Variants in GTF3C3 observed in about 807,000 individuals in gnomAD.
GTF3C3 encodes general transcription factor IIIC subunit 3, also known as general transcription factor 3C polypeptide 3.
Under a neutral mutation model 105.2 loss-of-function variants are expected in GTF3C3, and 75 were observed. The ratio of observed to expected loss-of-function variants is 0.71; its 90% confidence interval spans 0.59 to 0.86. GTF3C3 has a LOEUF of 0.86. GTF3C3 is among the 40% of genes least tolerant of loss of function. The probability of loss-of-function intolerance (pLI) is 0.00; values close to 1 mark genes in which losing one functional copy is unlikely to be tolerated. For missense variants in GTF3C3, 856 were observed against 1,076.5 expected (o/e 0.80, Z 2.87); for synonymous variants, 335 against 370.4 (o/e 0.90, Z 1.10).
At chr2:196,798,043 G>C in intron 1 of GTF3C3, 135 bp from the exon 2 acceptor site, 1 of 618,700 alleles carries the variant, frequency 1.6e-6, no homozygotes, top group Non-Finnish European at 2.9e-6. Context: ...TTATAGAATA[G>C]GGCATTTGCC....
At chr2:196,767,737 T>TCA (rs1173175852) in intron 16 of GTF3C3, among the ~76,000 whole-genome samples, 1 of 152,124 alleles carries the variant, frequency 6.6e-6, no homozygotes, top group Non-Finnish European at 1.5e-5. Context: ...CAAAGAAATA[T>TCA]CAAGTATTCA....
chr2:196,795,863 A>G (rs1268503450), intron 2 of GTF3C3, among the ~76,000 whole-genome samples: 1 of 152,258 alleles, frequency 6.6e-6, no homozygotes, highest in East Asian at 1.9e-4. Flanking sequence ...CACAGATGAC[A>G]TGATTATATA....
intron 9 of GTF3C3, chr2:196,780,251 C>T (rs1033020106): frequency 9.0e-5 from 91 of 1,012,054 alleles, no homozygotes; most frequent in Middle Eastern, 4.6e-4. Context: ...GTCCAAAGTC[C>T]GCAAAAAAGA....
chr2:196,768,206 C>T (rs186498400), intron 16 of GTF3C3, among the ~76,000 whole-genome samples: 10 of 151,126 alleles, frequency 6.6e-5, no homozygotes, highest in Admixed American at 1.3e-4. Flanking sequence ...TTATTAAGAC[C>T]ATGTTTCACC....
intron 5 of GTF3C3, 47 bp from the exon 6 acceptor site, chr2:196,789,416 G>T: frequency 7.5e-7 from 1 of 1,330,962 alleles, no homozygotes; most frequent in Non-Finnish European, 1.0e-6. Flanking sequence ...AGGGGTGCAT[G>T]GTACCTGGGT....
chr2:196,765,967 G>A lies in GTF3C3; in HGVS notation c.2538+598C>T, dbSNP rs990060123. On this transcript the variant is annotated intron_variant, in intron 17 of 17. Coordinates refer to ENST00000263956, the MANE Select transcript of GTF3C3 (RefSeq NM_012086.5). Reference sequence around the variant, plus strand: ...GGAGCTTGCAGTGAGCCAAGATCGTGCCACTGCACTCCAGCCTGGGCCACA... The same window carrying A: ...GGAGCTTGCAGTGAGCCAAGATCGTACCACTGCACTCCAGCCTGGGCCACA... 2.3e-5 allele frequency among the ~76,000 whole-genome samples: 3 copies of A among 133,156 alleles called. No individual in the cohort carries two copies. In the Admixed American group the frequency reaches 2.8e-4, roughly 13 times the overall value. 87.4% of individuals were successfully genotyped at this position (133,156 alleles called of 152,430 possible).
rs146963254 is a variant in GTF3C3, at chr2:196,773,002, G to A, written c.1983C>T (p.Asp661=). The change falls in exon 14 of 18, where the codon GAC becomes GAT. Residue 661 remains aspartate (D), a synonymous_variant. Transcript: ENST00000263956. ...ATTCTAGTTCTTTGCGTTTTTGCCT[G>A]TCATCATAAAATGAGTAATATTCCA... ...SSLEYYSFYD[D]RQKRKELEYF... 1.5e-5 allele frequency: 24 copies of A among 1,609,634 alleles called. No individual in the cohort carries two copies. In the African/African-American group the frequency reaches 2.1e-4, roughly 14 times the overall value.
intron 16 of GTF3C3, among the ~76,000 whole-genome samples, chr2:196,768,755 T>C (rs185131019): frequency 1.3e-5 from 2 of 152,296 alleles, no homozygotes; most frequent in Admixed American, 1.3e-4. Context: ...TATTTAACTA[T>C]AAAAGTAATT....
Position 196,784,257 on chromosome 2 carries a change from C to G in GTF3C3, c.1114+600G>C, listed in dbSNP as rs147502202. Among the ~76,000 whole-genome samples, 167 of 152,216 alleles carry G rather than the reference C, an allele frequency of 1.1e-3. No individual in the cohort carries two copies. In the East Asian group the frequency reaches 0.019, roughly 17 times the overall value. The stretch of plus-strand genomic sequence containing the variant: ...AAGGTACTATACAGGAATTCTCTTA[C>G]AAGAGCCGGGTTATATACTCTGCTC... On this transcript the variant is annotated intron_variant, in intron 8 of 17. Coordinates refer to ENST00000263956, the MANE Select transcript of GTF3C3 (RefSeq NM_012086.5).
intron 1 of GTF3C3, among the ~76,000 whole-genome samples, chr2:196,798,862 CAAA>C (rs71410624): frequency 1.2e-5 from 1 of 83,756 alleles, no homozygotes. Flanking sequence ...AACTCCGTCT[CAAA>C]AAAAAAAAAA....
chr2:196,797,478 AG>A (rs1348095798), intron 2 of GTF3C3, among the ~76,000 whole-genome samples: 1 of 152,236 alleles, frequency 6.6e-6, no homozygotes, highest in Admixed American at 6.5e-5. Context: ...TTACAATTTG[AG>A]GAAGTATAGT....
In GTF3C3 at chr2:196,773,396, A is replaced by T. The variant is rs189737675; in HGVS notation, c.1832-243T>A. Among the ~76,000 whole-genome samples the T allele has an allele frequency of 1.6e-4, 25 of 152,316 alleles. No homozygotes were observed. In the East Asian group the frequency reaches 4.4e-3, roughly 27 times the overall value. The stretch of plus-strand genomic sequence containing the variant: ...GGCACCTGATTCGGACTTGGTCTCT[A>T]CAAGTTCCAGCTAGTTCCATCTGCA... On this transcript the variant is annotated intron_variant, in intron 13 of 17. Coordinates refer to ENST00000263956, the MANE Select transcript of GTF3C3 (RefSeq NM_012086.5).
At chr2:196,772,013 G>A in intron 14 of GTF3C3, 75 bp from the exon 15 acceptor site, 1 of 951,686 alleles carries the variant, frequency 1.1e-6, no homozygotes. Context: ...AAACCCTTCA[G>A]TGCTGTCCTA....
rs775749768 is a variant in GTF3C3 at position 196,773,161 on chromosome 2, G to C, written c.1832-8C>G. 7 of 1,498,496 alleles carry C rather than the reference G, an allele frequency of 4.7e-6. No homozygotes were observed. Among genetic ancestry groups the C allele is most frequent in the Non-Finnish European group, 6.4e-6 (7 of 1,087,526 alleles). 92.8% of individuals were successfully genotyped at this position (1,498,496 alleles called of 1,614,324 possible). A position where few individuals can be genotyped will look rare whatever the true frequency, so the allele number is the denominator to read the frequency against. On this transcript the variant is annotated splice_region_variant and splice_polypyrimidine_tract_variant and intron_variant, in intron 13 of 17. Transcript: ENST00000263956. The stretch of plus-strand genomic sequence containing the variant: ...TGAGCACAGCAAATATTGCTAAAAT[G>C]AGACCAATGAAAACCAGTTAGGACA...
chr2:196,775,692 G>GA (rs1366500516), intron 12 of GTF3C3, among the ~76,000 whole-genome samples: 2 of 152,276 alleles, frequency 1.3e-5, no homozygotes, highest in East Asian at 3.9e-4. Context: ...GCTGGACTCG[G>GA]AAAGAATATT....
In GTF3C3 at chr2:196,779,067, G is replaced by C. The variant is rs146337083; in HGVS notation, c.1219C>G (p.Pro407Ala). The C allele has an allele frequency of 1.2e-6, 2 of 1,610,976 alleles. No individual in the cohort carries two copies. Among genetic ancestry groups the C allele is most frequent in the South Asian group, 2.2e-5 (2 of 90,822 alleles). ...VHLNILEPLN[P>A]LLTTLVEQNP... ...TGTTCTACTAGTGTTGTCAAGAGAGGCTAGACCACAAATAAAAGCCCCAAG... is the reference window on the plus strand; with the variant it reads ...TGTTCTACTAGTGTTGTCAAGAGAGCCTAGACCACAAATAAAAGCCCCAAG... Residue 407 changes from proline (P) to alanine (A), a missense_variant and splice_region_variant, in exon 10 of 18, where the codon CCT (proline) becomes GCT (alanine). Coordinates refer to ENST00000263956, the MANE Select transcript of GTF3C3 (RefSeq NM_012086.5).
intron 10 of GTF3C3, among the ~76,000 whole-genome samples, chr2:196,777,365 G>A (rs770107333): frequency 1.8e-4 from 27 of 152,228 alleles, no homozygotes; most frequent in Non-Finnish European, 3.7e-4. Flanking sequence ...TAGTTCCTGA[G>A]TATAAGTTCT....
chr2:196,770,599 T>C (rs1385161597), intron 15 of GTF3C3, among the ~76,000 whole-genome samples: 2 of 152,248 alleles, frequency 1.3e-5, no homozygotes, highest in Non-Finnish European at 2.9e-5. Context: ...GAATTACATG[T>C]ATTCCATATA....
rs754800337 is a variant in GTF3C3, at chr2:196,797,864, A to G, written c.147T>C (p.Asp49=). 6.2e-7 allele frequency: 1 copy of G among 1,612,830 alleles called. No homozygotes were observed. The highest frequency in any genetic ancestry group is 1.1e-5 in the South Asian group (1 of 91,054). ...CTGATGATGATGGAACTTCAGAGTC[A>G]TCGGGATTTTCTTCAGCTGATAACT... ...KGKLSAEENP[D]DSEVPSSSGI... The change falls in exon 2 of 18, where the codon GAT becomes GAC. Residue 49 remains aspartate, a synonymous_variant. Transcript: ENST00000263956.
Sources: gnomAD v4.1 joint callset for allele counts (sites outside exome capture counted in the v4.1 genomes callset) on GRCh38, gnomAD v4.1.1 for gene constraint, MANE v1.5 for transcripts, NCBI Gene and HGNC (gene_info 2026-07-23, HGNC 2026-07-21) for gene names.